The following TFIP11 variants were observed in gnomAD, a reference collection of about 807,000 sequenced individuals.
TFIP11 encodes tuftelin-interacting protein 11.
TFIP11 carries 86 observed loss-of-function variants against 96.8 expected under a neutral mutation model. The ratio of observed to expected loss-of-function variants is 0.89; its 90% confidence interval spans 0.75 to 1.06. TFIP11 has a LOEUF of 1.06. TFIP11 is among the 50% of genes least tolerant of loss of function. The pLI is 0.00. For synonymous variants in TFIP11, 405 were observed against 395.2 expected, an observed-to-expected ratio of 1.02 and a Z score of -0.29; for missense variants, 881 against 1,076.7, an observed-to-expected ratio of 0.82 and a Z score of 2.54.
Position 26,496,786 on chromosome 22 carries a change from T to C in TFIP11, c.1540A>G (p.Ile514Val), listed in dbSNP as rs141191204. 3.9e-4 allele frequency: 631 copies of C among 1,614,172 alleles called. 4 individuals carry two copies. In the African/African-American group the frequency reaches 7.3e-3, roughly 19 times the overall value. Residue 514 changes from isoleucine to valine, a missense_variant, in exon 11 of 15, where the codon ATT becomes GTT. Ile to Val is a conservative substitution (Grantham distance 29). Coordinates refer to ENST00000407690, the MANE Select transcript of TFIP11 (RefSeq NM_012143.4). ...TTATCTAAGATCCACACAGGAATAA[T>C]GTGCACCCAACTATCCAAAAAGTCC... ...MVDFLDSWVH[I>V]IPVWILDNIL...
chr22:26,492,466 T>C, intron 14 of TFIP11, 98 bp from the exon 15 acceptor site: 1 of 1,119,672 alleles, frequency 8.9e-7, no homozygotes, highest in Non-Finnish European at 1.3e-6. Context: ...GCCAGAGTGC[T>C]TGTGACTCAC....
At chr22:26,510,014 TC>T in intron 4 of TFIP11, 49 bp downstream of exon 4, 2 of 1,592,386 alleles carry the variant, frequency 1.3e-6, no homozygotes, top group South Asian at 1.1e-5. Flanking sequence ...CTGTCCATCT[TC>T]CCCCTCTTCC....
chr22:26,510,015 C>A, intron 4 of TFIP11, 49 bp downstream of exon 4: 1 of 1,593,802 alleles, frequency 6.3e-7, no homozygotes, highest in Non-Finnish European at 8.6e-7. Flanking sequence ...TGTCCATCTT[C>A]CCCCTCTTCC....
chr22:26,506,289 C>T lies in TFIP11; in HGVS notation c.520+14G>A. On this transcript the variant is annotated intron_variant, in intron 6 of 14. Transcript: ENST00000407690. ...TGCCCTCCTCCATCATGCAAGACGA[C>T]AAAGGTGCAATACCTTGTGCATTCT... 6.3e-7 allele frequency: 1 copy of T among 1,580,568 alleles called. No individual in the cohort carries two copies. Among genetic ancestry groups the T allele is most frequent in the Non-Finnish European group, 8.6e-7 (1 of 1,164,624 alleles).
chr22:26,503,520 C>T, intron 7 of TFIP11, 146 bp downstream of exon 7: 1 of 995,242 alleles, frequency 1.0e-6, no homozygotes, highest in African/African-American at 1.6e-5. Context: ...GCCCTCTCAT[C>T]ATGGTGCACC....
chr22:26,496,372 C>A (rs966951900), intron 11 of TFIP11, 56 bp from the exon 12 acceptor site: 11 of 1,537,784 alleles, frequency 7.2e-6, no homozygotes, highest in Non-Finnish European at 7.0e-6. Context: ...TCACATAACA[C>A]CCCTGTGTGG....
intron 4 of TFIP11, among the ~76,000 whole-genome samples, chr22:26,509,398 C>CCCTCATGT (rs1239628553): frequency 2.0e-5 from 3 of 152,194 alleles, no homozygotes; most frequent in Non-Finnish European, 2.9e-5. Flanking sequence ...AATGTGTTCT[C>CCCTCATGT]CCTCATGTCC....
Position 26,507,630 on chromosome 22 carries a change from CAA to C in TFIP11, c.210-704_210-703del, listed in dbSNP as rs134137. ...GGGCAAAAGAGTGAGACCTTATCTCCAAAAAAAAAAAAAAAAGAAAAGAAAAT... is the reference window on the plus strand; with the variant it reads ...GGGCAAAAGAGTGAGACCTTATCTCCAAAAAAAAAAAAAAGAAAAGAAAAT... On this transcript the variant is annotated intron_variant, in intron 4 of 14. Transcript: ENST00000407690. 2.9e-3 allele frequency among the ~76,000 whole-genome samples: 331 copies of C among 115,538 alleles called. 4 individuals are homozygous for C. Among genetic ancestry groups the C allele is most frequent in the Middle Eastern group, 0.013 (3 of 238 alleles). The allele number at this position is 115,538 out of a possible 152,430, so 75.8% of individuals were successfully genotyped here. A position where few individuals can be genotyped will look rare whatever the true frequency, so the allele number is the denominator to read the frequency against.
rs1347919184 is a variant in TFIP11, at chr22:26,494,155, C to T, written c.2142G>A (p.Ala714=). ...FNEALDIMNR[A]VSSNVGAYMQ... Reference sequence around the variant, plus strand: ...CTCACTTACCAACGTTGGAGGACACCGCCCGGTTCATGATATCAAGTGCCT... The same window carrying T: ...CTCACTTACCAACGTTGGAGGACACTGCCCGGTTCATGATATCAAGTGCCT... Residue 714 remains alanine (A), a synonymous_variant, in exon 14 of 15, where the codon GCG becomes GCA. Transcript: ENST00000407690. 1.8e-5 allele frequency: 29 copies of T among 1,613,950 alleles called. No individual in the cohort carries two copies. The highest frequency in any genetic ancestry group is 3.3e-5 in the Admixed American group (2 of 60,002).
intron 14 of TFIP11, chr22:26,493,101 C>T (rs1353465991): frequency 6.6e-6 from 1 of 151,732 alleles, no homozygotes. Flanking sequence ...AATCTCGGCT[C>T]ACTACAACCT....
intron 7 of TFIP11, 191 bp from the exon 8 acceptor site, chr22:26,502,243 C>T (rs1922890868): frequency 6.3e-6 from 4 of 636,976 alleles, no homozygotes; most frequent in Admixed American, 3.0e-5. Flanking sequence ...CCCCATTCGC[C>T]CTCTTACAAA....
chr22:26,496,418 GCTCT>G lies in TFIP11; in HGVS notation c.1606-106_1606-103del, dbSNP rs1350471429. ...GAGCTGCCCCTGGAGGAGGCCCTGT[GCTCT>G]CTGAGGCCCACAGTCCTTTGTACAT... is the stretch of plus-strand genomic sequence containing the variant. On this transcript the variant is annotated intron_variant, in intron 11 of 14. Coordinates refer to ENST00000407690, the MANE Select transcript of TFIP11 (RefSeq NM_012143.4). 9 of 1,443,084 alleles carry G rather than the reference GCTCT, an allele frequency of 6.2e-6. No homozygotes were observed. The African/African-American group carries it at 1.0e-4, about 16-fold the overall frequency. 89.4% of individuals were successfully genotyped at this position (1,443,084 alleles called of 1,614,324 possible).
chr22:26,503,713 A>T lies in TFIP11; in HGVS notation c.601T>A (p.Ser201Thr). Residue 201 changes from serine (S) to threonine (T), a missense_variant, in exon 7 of 15, where the codon TCC becomes ACC. Transcript: ENST00000407690. ...TCAACCACAGGGAAGTCTTGCATGGACTGAGTGGTGCGCTCGGATCCATAA... is the reference window on the plus strand; with the variant it reads ...TCAACCACAGGGAAGTCTTGCATGGTCTGAGTGGTGCGCTCGGATCCATAA... The part of the protein sequence containing the change: ...GAYGSERTTQ[S>T]MQDFPVVDSE... The T allele has an allele frequency of 6.2e-7, 1 of 1,614,048 alleles. No homozygotes were observed. Among genetic ancestry groups the T allele is most frequent in the Non-Finnish European group, 8.5e-7 (1 of 1,180,010 alleles).
chr22:26,502,885 TGC>T (rs1039472184), intron 7 of TFIP11, among the ~76,000 whole-genome samples: 20 of 152,188 alleles, frequency 1.3e-4, no homozygotes, highest in African/African-American at 4.8e-4. Flanking sequence ...TCATCTTACT[TGC>T]TTCTGTGGTG....
Position 26,496,441 on chromosome 22 carries a change from T to C in TFIP11, c.1606-125A>G, listed in dbSNP as rs910579013. 29 of 1,313,654 alleles carry C rather than the reference T, an allele frequency of 2.2e-5. No homozygotes were observed. In the African/African-American group the frequency reaches 3.9e-4, roughly 17 times the overall value. The allele number at this position is 1,313,654 out of a possible 1,614,324, so 81.4% of individuals were successfully genotyped here. On this transcript the variant is annotated intron_variant, in intron 11 of 14. Coordinates refer to ENST00000407690, the MANE Select transcript of TFIP11 (RefSeq NM_012143.4). ...GTGCTCTCTGAGGCCCACAGTCCTTTGTACATTGCCAAACAAATATGCCCA... is the reference window on the plus strand; with the variant it reads ...GTGCTCTCTGAGGCCCACAGTCCTTCGTACATTGCCAAACAAATATGCCCA...
intron 4 of TFIP11, 76 bp downstream of exon 4, chr22:26,509,988 G>A (rs1923855288): frequency 1.4e-6 from 2 of 1,475,670 alleles, no homozygotes; most frequent in East Asian, 2.3e-5. Flanking sequence ...ACTTATCAGG[G>A]TATCTCCTCC....
chr22:26,494,169 T>A lies in TFIP11; in HGVS notation c.2128A>T (p.Ile710Phe). Residue 710 changes from isoleucine to phenylalanine, a missense_variant, in exon 14 of 15, where the codon ATC (isoleucine) becomes TTC (phenylalanine). Coordinates refer to ENST00000407690, the MANE Select transcript of TFIP11 (RefSeq NM_012143.4). ...TTGGAGGACACCGCCCGGTTCATGATATCAAGTGCCTCATTAAATTTGTCC... is the reference window on the plus strand; with the variant it reads ...TTGGAGGACACCGCCCGGTTCATGAAATCAAGTGCCTCATTAAATTTGTCC... The part of the protein sequence containing the change: ...VKDKFNEALD[I>F]MNRAVSSNVG... 6.2e-7 allele frequency: 1 copy of A among 1,614,238 alleles called. No individual in the cohort carries two copies. Among genetic ancestry groups the A allele is most frequent in the Non-Finnish European group, 8.5e-7 (1 of 1,180,038 alleles).
chr22:26,509,732 T>C (rs1316601605), intron 4 of TFIP11, among the ~76,000 whole-genome samples: 1 of 152,114 alleles, frequency 6.6e-6, no homozygotes, highest in Non-Finnish European at 1.5e-5. Context: ...GGCGTTTGCT[T>C]GTAATCCCAC....
At chr22:26,502,221 G>C in intron 7 of TFIP11, 169 bp from the exon 8 acceptor site, 1 of 731,794 alleles carries the variant, frequency 1.4e-6, no homozygotes, top group East Asian at 2.7e-5. Context: ...ACTATCTAAT[G>C]ATACTCCTTG....
Sources: gnomAD v4.1 joint callset for allele counts (sites outside exome capture counted in the v4.1 genomes callset) on GRCh38, gnomAD v4.1.1 for gene constraint, MANE v1.5 for transcripts, NCBI Gene and HGNC (gene_info 2026-07-23, HGNC 2026-07-21) for gene names.